RASGEF1C: variants seen among roughly 807,000 people sequenced by gnomAD.
RASGEF1C encodes ras-GEF domain-containing family member 1C.
Under a neutral mutation model 58.1 loss-of-function variants are expected in RASGEF1C, and 27 were observed. The observed-to-expected ratio is 0.46, with a 90% confidence interval of 0.34 to 0.64. The LOEUF (loss-of-function observed/expected upper bound fraction) is 0.64, where lower values mean the gene tolerates loss of function less well. Among genes scored for constraint, RASGEF1C ranks in the 30% least tolerant of loss-of-function variants. RASGEF1C has a pLI of 0.01. For missense variants in RASGEF1C, 502 were observed against 605.1 expected (o/e 0.83, Z 1.79); for synonymous variants, 243 against 246.3 (o/e 0.99, Z 0.13).
At chr5:180,208,820 C>T (rs1756541156) in intron 1 of RASGEF1C, among the ~76,000 whole-genome samples, 1 of 151,616 alleles carries the variant, frequency 6.6e-6, no homozygotes, top group Non-Finnish European at 1.5e-5. Flanking sequence ...GGGGTGTGCC[C>T]TCAGGGTACC....
At chr5:180,148,980 T>C (rs1261460527) in intron 1 of RASGEF1C, among the ~76,000 whole-genome samples, 2 of 152,266 alleles carry the variant, frequency 1.3e-5, no homozygotes, top group Non-Finnish European at 2.9e-5. Context: ...TTGCCATACA[T>C]AGGATTCTTG....
chr5:180,161,443 C>T (rs1370137975), intron 1 of RASGEF1C, among the ~76,000 whole-genome samples: 1 of 152,254 alleles, frequency 6.6e-6, no homozygotes, highest in Admixed American at 6.5e-5. Flanking sequence ...GGAGCCACGG[C>T]AGCCAGGGGG....
intron 12 of RASGEF1C, 136 bp from the exon 13 acceptor site, chr5:180,102,279 A>C: frequency 1.6e-6 from 1 of 608,640 alleles, no homozygotes; most frequent in Non-Finnish European, 2.9e-6. Flanking sequence ...CCCTCCCCTA[A>C]TACTGTGCTG....
At chr5:180,123,656 AAAGAAT>A (rs1766211823) in intron 6 of RASGEF1C, among the ~76,000 whole-genome samples, 1 of 152,158 alleles carries the variant, frequency 6.6e-6, no homozygotes, top group South Asian at 2.1e-4. Context: ...GAAACTAGAA[AAAGAAT>A]AACAGTATAA....
At chr5:180,154,546 C>T (rs1177590131) in intron 1 of RASGEF1C, among the ~76,000 whole-genome samples, 1 of 151,652 alleles carries the variant, frequency 6.6e-6, no homozygotes, top group Non-Finnish European at 1.5e-5. Flanking sequence ...GACAAGTTAC[C>T]AGCTGCTGAC....
chr5:180,196,345 TA>T (rs1256808402), intron 1 of RASGEF1C, among the ~76,000 whole-genome samples: 1 of 151,518 alleles, frequency 6.6e-6, no homozygotes, highest in Non-Finnish European at 1.5e-5. Flanking sequence ...ACCAAAAATA[TA>T]AAAAATTAGC....
At chr5:180,172,995 G>A (rs1385581450) in intron 1 of RASGEF1C, among the ~76,000 whole-genome samples, 1 of 152,174 alleles carries the variant, frequency 6.6e-6, no homozygotes, top group East Asian at 1.9e-4. Flanking sequence ...ACCTGACCCT[G>A]GCAGCTGAGC....
chr5:180,120,979 G>A (rs938872362), intron 7 of RASGEF1C, 81 bp downstream of exon 7: 40 of 964,348 alleles, frequency 4.1e-5, no homozygotes, highest in African/African-American at 4.0e-4. Context: ...GTGTCCTTCC[G>A]GTTCCTTCCC....
intron 1 of RASGEF1C, among the ~76,000 whole-genome samples, chr5:180,165,681 A>AT (rs1361676530): frequency 1.9e-5 from 2 of 103,670 alleles, no homozygotes; most frequent in Non-Finnish European, 4.7e-5. Context: ...AAAAAAAAAA[A>AT]AAATTCTTGT....
At chr5:180,202,055 A>C (rs1388898846) in intron 1 of RASGEF1C, among the ~76,000 whole-genome samples, 3 of 152,166 alleles carry the variant, frequency 2.0e-5, no homozygotes, top group Non-Finnish European at 2.9e-5. Flanking sequence ...AAATGGACCC[A>C]AAAAAAGGTA....
intron 1 of RASGEF1C, among the ~76,000 whole-genome samples, chr5:180,194,953 G>A (rs1252312176): frequency 6.6e-6 from 1 of 152,234 alleles, no homozygotes; most frequent in East Asian, 1.9e-4. Context: ...AGGTTGACAG[G>A]AAAATCGGGA....
chr5:180,157,782 G>A (rs1036128780), intron 1 of RASGEF1C, among the ~76,000 whole-genome samples: 3 of 152,158 alleles, frequency 2.0e-5, no homozygotes, highest in Non-Finnish European at 4.4e-5. Flanking sequence ...GGAGGCAGTA[G>A]AAAGACCAAT....
At chr5:180,122,607 G>C (rs1015476815) in intron 6 of RASGEF1C, among the ~76,000 whole-genome samples, 2 of 151,976 alleles carry the variant, frequency 1.3e-5, no homozygotes, top group African/African-American at 2.4e-5. Context: ...TGGATGTGGT[G>C]GTGGGTGCCT....
rs890730176 is a variant in RASGEF1C at position 180,177,121 on chromosome 5, G to C, written c.-7+31907C>G. On this transcript the variant is annotated intron_variant, in intron 1 of 13. Coordinates refer to ENST00000361132, the MANE Select transcript of RASGEF1C (RefSeq NM_175062.4). This position sits in a 1 kb window ranked among gnomAD's most constrained non-coding sequence, Gnocchi z 5.0. ...GGAGGAGGACCAGGGTGAGAGGTGA[G>C]ACTCTCAGAGCCTGACGGAGGGGCT... 2.0e-5 allele frequency among the ~76,000 whole-genome samples: 3 copies of C among 152,186 alleles called. No homozygotes were observed. Among genetic ancestry groups the C allele is most frequent in the African/African-American group, 7.2e-5 (3 of 41,450 alleles).
Position 180,182,441 on chromosome 5 carries a change from T to C in RASGEF1C, c.-7+26587A>G, listed in dbSNP as rs192418175. ...ATTGTGAAGACCAAAAGAACTCAGC[T>C]TCCACAGCTGGAAGAGAACCCCAGC... On this transcript the variant is annotated intron_variant, in intron 1 of 13. Coordinates refer to ENST00000361132, the MANE Select transcript of RASGEF1C (RefSeq NM_175062.4). 2.5e-3 allele frequency among the ~76,000 whole-genome samples: 382 copies of C among 152,278 alleles called. 5 individuals carry two copies. Among genetic ancestry groups the C allele is most frequent in the Admixed American group, 0.021 (328 of 15,290 alleles).
At chr5:180,157,899 G>A (rs191477606) in intron 1 of RASGEF1C, among the ~76,000 whole-genome samples, 1 of 152,240 alleles carries the variant, frequency 6.6e-6, no homozygotes, top group Non-Finnish European at 1.5e-5. Flanking sequence ...TGACATTATT[G>A]TCAAAACCCA....
At chr5:180,181,682 G>A (rs150885359) in intron 1 of RASGEF1C, among the ~76,000 whole-genome samples, 94 of 152,314 alleles carry the variant, frequency 6.2e-4, no homozygotes, top group Middle Eastern at 3.4e-3. Flanking sequence ...GAGGGAATGT[G>A]TCCCATGAGC....
At chr5:180,120,600 T>A (rs928123415) in intron 7 of RASGEF1C, among the ~76,000 whole-genome samples, 1 of 152,202 alleles carries the variant, frequency 6.6e-6, no homozygotes, top group Non-Finnish European at 1.5e-5. Flanking sequence ...CAAGCACGTC[T>A]GGCTCCAGGC....
At chr5:180,144,298 C>T (rs1272323166) in intron 1 of RASGEF1C, among the ~76,000 whole-genome samples, 1 of 152,182 alleles carries the variant, frequency 6.6e-6, no homozygotes, top group Non-Finnish European at 1.5e-5. Context: ...GAAACCACGT[C>T]CCAACAGCTG....
Sources: gnomAD v4.1 joint callset for allele counts (sites outside exome capture counted in the v4.1 genomes callset) on GRCh38, gnomAD v4.1.1 for gene constraint, Gnocchi (gnomAD v3.1) non-coding constraint, MANE v1.5 for transcripts, NCBI Gene and HGNC (gene_info 2026-07-23, HGNC 2026-07-21) for gene names.